The following POLN variants were observed in gnomAD, a reference collection of about 807,000 sequenced individuals.
POLN encodes DNA polymerase nu, also known as DNA polymerase N.
Under a neutral mutation model 113.5 loss-of-function variants are expected in POLN, and 108 were observed. The ratio of observed to expected loss-of-function variants is 0.95; its 90% CI spans 0.81 to 1.12. The LOEUF is 1.12. Among genes scored for constraint, POLN ranks in the 50% most tolerant of loss-of-function variants. The pLI is 0.00. For synonymous variants in POLN, 386 were observed against 391.5 expected (o/e 0.99, Z 0.17); for missense variants, 1,097 against 1,077.1 (o/e 1.02, Z -0.26).
chr4:2,241,912 C>T, intron 1 of POLN, 122 bp from the exon 2 acceptor site: 1 of 985,504 alleles, frequency 1.0e-6, no homozygotes, highest in Non-Finnish European at 1.2e-6. Flanking sequence ...GGCCCTGATC[C>T]CCGGGCAGCT....
chr4:2,139,547 C>T (rs1731944567), intron 16 of POLN: 1 of 152,220 alleles, frequency 6.6e-6, no homozygotes. Flanking sequence ...CTCCTCTTCC[C>T]ACTGTGAGGT....
intron 16 of POLN, among the ~76,000 whole-genome samples, chr4:2,144,055 A>C (rs748343315): frequency 6.6e-6 from 1 of 152,070 alleles, no homozygotes; most frequent in Non-Finnish European, 1.5e-5. Flanking sequence ...ATATGATTTA[A>C]ATATATGATT....
chr4:2,240,195 T>A, intron 2 of POLN: 1 of 1,614,088 alleles, frequency 6.2e-7, no homozygotes, highest in Non-Finnish European at 8.5e-7. Flanking sequence ...GATTTCTTGA[T>A]TATCACAAAT....
intron 16 of POLN, among the ~76,000 whole-genome samples, chr4:2,153,963 C>T (rs183746255): frequency 5.4e-4 from 82 of 151,282 alleles, no homozygotes; most frequent in Middle Eastern, 6.8e-3. Context: ...TTTGGGAGGC[C>T]GAGGCGGGCG....
At chr4:2,160,787 T>A (rs1732561521) in intron 13 of POLN, among the ~76,000 whole-genome samples, 1 of 152,184 alleles carries the variant, frequency 6.6e-6, no homozygotes, top group African/African-American at 2.4e-5. Flanking sequence ...AGTTTTCCCT[T>A]TATGGTTGAT....
At chr4:2,105,634 A>G (rs1731046671) in intron 19 of POLN, among the ~76,000 whole-genome samples, 2 of 152,148 alleles carry the variant, frequency 1.3e-5, no homozygotes, top group Admixed American at 1.3e-4. Context: ...GAAATAGGGA[A>G]TAACTGGTAT....
chr4:2,198,686 A>G lies in POLN; in HGVS notation c.746T>C (p.Val249Ala). The stretch of plus-strand genomic sequence containing the variant: ...ACCCTCTGCTTGGCGTTTTACTAAC[A>G]CCACAATTCCTCTAACAGAAGAAAC... ...TPVSSVRGIV[V>A]LVKRQAEGGH... The change falls in exon 6 of 26, where the codon GTG becomes GCG. Residue 249 changes from valine (V) to alanine (A), a missense_variant. Physicochemically the swap from Val to Ala is moderately conservative, Grantham distance 64. Coordinates refer to ENST00000511885, the MANE Select transcript of POLN (RefSeq NM_181808.4). 6.2e-7 allele frequency: 1 copy of G among 1,612,058 alleles called. No homozygotes were observed. The highest frequency in any genetic ancestry group is 2.2e-5 in the East Asian group (1 of 44,830).
intron 16 of POLN, among the ~76,000 whole-genome samples, chr4:2,145,897 T>C (rs568729748): frequency 1.1e-3 from 165 of 152,276 alleles, no homozygotes; most frequent in Non-Finnish European, 1.2e-3. Flanking sequence ...ACCTAGTATA[T>C]CTGTACAATG....
At chr4:2,188,326 C>A (rs7682674) in intron 7 of POLN, among the ~76,000 whole-genome samples, 1 of 151,994 alleles carries the variant, frequency 6.6e-6, no homozygotes, top group Non-Finnish European at 1.5e-5. Flanking sequence ...ACGGGCCGGG[C>A]GCAGTGGCTC....
chr4:2,163,506 G>A (rs1490153732), intron 13 of POLN, among the ~76,000 whole-genome samples: 1 of 152,234 alleles, frequency 6.6e-6, no homozygotes, highest in East Asian at 1.9e-4. Flanking sequence ...GCTCACCCGC[G>A]CTCTGCGCCG....
intron 5 of POLN, among the ~76,000 whole-genome samples, chr4:2,204,765 G>A (rs190797414): frequency 6.6e-6 from 1 of 152,302 alleles, no homozygotes; most frequent in African/African-American, 2.4e-5. Flanking sequence ...TTTCATACCA[G>A]GGATGCAGGG....
At position 2,170,749 on chromosome 4, in the gene POLN, T is replaced by G; in HGVS notation, c.1484A>C (p.His495Pro). The G allele has an allele frequency of 6.2e-7, 1 of 1,614,182 alleles. No individual in the cohort carries two copies. The highest frequency in any genetic ancestry group is 8.5e-7 in the Non-Finnish European group (1 of 1,180,014). The change falls in exon 13 of 26, where the codon CAC becomes CCC. Residue 495 changes from histidine (H) to proline (P), a missense_variant. Coordinates refer to ENST00000511885, the MANE Select transcript of POLN (RefSeq NM_181808.4). ...REILFGKLKL[H>P]LLSQRNSLPR... is the part of the protein sequence containing the mutation. The stretch of plus-strand genomic sequence containing the variant: ...GAGACTGTTCCTTTGACTCAGCAGG[T>G]GCAGCTTTAACTTGCCAAAGAGGAT...
At chr4:2,125,314 G>C (rs1731552321) in intron 19 of POLN, among the ~76,000 whole-genome samples, 1 of 152,220 alleles carries the variant, frequency 6.6e-6, no homozygotes, top group Non-Finnish European at 1.5e-5. Context: ...TGGAGAGGGG[G>C]AGGAGGGTAT....
intron 3 of POLN, 198 bp downstream of exon 3, chr4:2,228,901 G>A (rs1560101212): frequency 2.2e-6 from 1 of 449,648 alleles, no homozygotes; most frequent in Non-Finnish European, 3.9e-6. Context: ...AAGGAAGAGA[G>A]TGTTACATTT....
intron 20 of POLN, chr4:2,089,361 T>C: frequency 1.4e-6 from 2 of 1,391,254 alleles, no homozygotes; most frequent in Non-Finnish European, 2.0e-6. Flanking sequence ...GATTTGCTAA[T>C]TGTGACAGGG....
At chr4:2,165,048 T>C (rs1218209317) in intron 13 of POLN, among the ~76,000 whole-genome samples, 7 of 152,060 alleles carry the variant, frequency 4.6e-5, no homozygotes, top group Non-Finnish European at 1.0e-4. Context: ...TGTACTCTTA[T>C]CATTTCATCC....
intron 25 of POLN, among the ~76,000 whole-genome samples, chr4:2,072,629 T>G (rs1002643976): frequency 1.3e-5 from 2 of 152,206 alleles, no homozygotes; most frequent in African/African-American, 4.8e-5. Context: ...CATCCTGTGC[T>G]TGCCCCTCAG....
At chr4:2,103,104 A>G (rs1390954110) in intron 19 of POLN, among the ~76,000 whole-genome samples, 2 of 152,168 alleles carry the variant, frequency 1.3e-5, no homozygotes, top group Non-Finnish European at 2.9e-5. Flanking sequence ...CAGATAAATA[A>G]TTCAAAATGC....
intron 7 of POLN, among the ~76,000 whole-genome samples, chr4:2,185,755 CAAAT>C (rs1481259504): frequency 1.3e-5 from 2 of 151,980 alleles, no homozygotes; most frequent in Non-Finnish European, 2.9e-5. Context: ...CAAAAACAAA[CAAAT>C]AAACAAAAAG....
Sources: gnomAD v4.1 joint callset for allele counts (sites outside exome capture counted in the v4.1 genomes callset) on GRCh38, gnomAD v4.1.1 for gene constraint, MANE v1.5 for transcripts, NCBI Gene and HGNC (gene_info 2026-07-23, HGNC 2026-07-21) for gene names.